Variants in FARS2 observed in about 807,000 individuals in gnomAD.
FARS2 encodes the protein phenylalanyl-tRNA synthetase 2, mitochondrial, also known as phenylalanine--tRNA ligase, mitochondrial.
FARS2 carries 40 observed loss-of-function variants against 46.4 expected under a neutral mutation model. The ratio of observed to expected loss-of-function variants is 0.86; its 90% confidence interval spans 0.67 to 1.12. The LOEUF is 1.12. Ranked by LOEUF, FARS2 falls within the 50% of genes most tolerant of loss-of-function variation. The pLI is 0.00. For synonymous variants in FARS2, 234 were observed against 214.9 expected, an observed-to-expected ratio of 1.09 and a Z score of -0.78; for missense variants, 513 against 567.9, an observed-to-expected ratio of 0.90 and a Z score of 0.98.
chr6:5,400,199 G>T (rs1342943545), intron 2 of FARS2, among the ~76,000 whole-genome samples: 1 of 152,068 alleles, frequency 6.6e-6, no homozygotes. Flanking sequence ...ATTTTAATTT[G>T]CTTAATTTGC....
intron 6 of FARS2, among the ~76,000 whole-genome samples, chr6:5,686,361 C>A (rs1331027713): frequency 2.0e-5 from 3 of 151,006 alleles, no homozygotes; most frequent in Non-Finnish European, 2.9e-5. Context: ...GCTGCCCACA[C>A]CACGCAACAG....
At chr6:5,628,762 C>T (rs1009955371) in intron 6 of FARS2, among the ~76,000 whole-genome samples, 2 of 152,172 alleles carry the variant, frequency 1.3e-5, no homozygotes, top group Non-Finnish European at 2.9e-5. Flanking sequence ...GGCGCCCAGC[C>T]GCATGCTGCC....
chr6:5,442,504 T>C (rs1763899646), intron 4 of FARS2, among the ~76,000 whole-genome samples: 1 of 152,142 alleles, frequency 6.6e-6, no homozygotes, highest in Admixed American at 6.5e-5. Flanking sequence ...CCGGGGATTG[T>C]GTGTGGGTGT....
chr6:5,466,707 G>C (rs886210650), intron 4 of FARS2: 105 of 984,134 alleles, frequency 1.1e-4, no homozygotes, highest in Non-Finnish European at 1.2e-4. Context: ...AAAAATGCCT[G>C]TTTCCTTCCA....
rs1372095498 is a variant in FARS2 at position 5,630,551 on chromosome 6, G to A, written c.1217+17231G>A. 6.6e-6 allele frequency among the ~76,000 whole-genome samples: 1 copy of A among 152,208 alleles called. No homozygotes were observed. The highest frequency in any genetic ancestry group is 2.4e-5 in the African/African-American group (1 of 41,450). The stretch of plus-strand genomic sequence containing the variant: ...CGTCCTGACTCTGGAAACCAGACCT[G>A]CCTCTTCATACTTATGTGTCTGGTA... On this transcript the variant is annotated intron_variant, in intron 6 of 6. Transcript: ENST00000274680. This position sits in a 1 kb window ranked among gnomAD's most constrained non-coding sequence, Gnocchi z 4.2.
chr6:5,360,416 T>G (rs1425025241), intron 1 of FARS2, among the ~76,000 whole-genome samples: 1 of 152,182 alleles, frequency 6.6e-6, no homozygotes, highest in Non-Finnish European at 1.5e-5. Flanking sequence ...GTGGGAGAGG[T>G]ATACATGTCT....
chr6:5,456,747 A>AAAAAAAAAG (rs1220633444), intron 4 of FARS2, among the ~76,000 whole-genome samples: 11 of 151,244 alleles, frequency 7.3e-5, no homozygotes, highest in Non-Finnish European at 1.0e-4. Context: ...AAAAAAAAAA[A>AAAAAAAAAG]AGAGATGGGC....
At chr6:5,468,737 A>G (rs574110307) in intron 4 of FARS2, among the ~76,000 whole-genome samples, 20 of 152,304 alleles carry the variant, frequency 1.3e-4, no homozygotes, top group African/African-American at 4.1e-4. Flanking sequence ...TCATACTTTC[A>G]CAAGAATGCG....
chr6:5,634,167 G>A (rs537930207), intron 6 of FARS2, among the ~76,000 whole-genome samples: 7 of 152,042 alleles, frequency 4.6e-5, no homozygotes, highest in Non-Finnish European at 7.4e-5. Flanking sequence ...TTGTTATTAA[G>A]ATATTGTGAG....
At chr6:5,513,476 C>T (rs1342916729) in intron 4 of FARS2, among the ~76,000 whole-genome samples, 1 of 152,272 alleles carries the variant, frequency 6.6e-6, no homozygotes, top group South Asian at 2.1e-4. Flanking sequence ...GATATTTAGC[C>T]GAAGGTCTAG....
At chr6:5,746,959 C>T (rs552000668) in intron 6 of FARS2, among the ~76,000 whole-genome samples, 1 of 152,258 alleles carries the variant, frequency 6.6e-6, no homozygotes, top group African/African-American at 2.4e-5. Context: ...TTAAATGGGA[C>T]AGTCAAGGAA....
chr6:5,435,560 TG>T (rs1763473528), intron 4 of FARS2, among the ~76,000 whole-genome samples: 1 of 152,224 alleles, frequency 6.6e-6, no homozygotes, highest in South Asian at 2.1e-4. Flanking sequence ...GTGATGTGAG[TG>T]GTGACCGTTT....
Position 5,632,576 on chromosome 6 carries a change from T to TCCTTCCC in FARS2, c.1217+19271_1217+19277dup, listed in dbSNP as rs368572132. Among the ~76,000 whole-genome samples, 10 of 147,940 alleles carry TCCTTCCC rather than the reference T, an allele frequency of 6.8e-5. No homozygotes were observed. The South Asian group carries it at 2.0e-3, about 29-fold the overall frequency. On this transcript the variant is annotated intron_variant, in intron 6 of 6. Coordinates refer to ENST00000274680, the MANE Select transcript of FARS2 (RefSeq NM_006567.5). The stretch of plus-strand genomic sequence containing the variant: ...TCCTTCCCTTCTTCCTTTCCCTTCC[T>TCCTTCCC]CCTTCCCCCTTCCCCCTTCCCGCTT...
chr6:5,644,616 C>T (rs993458445), intron 6 of FARS2, among the ~76,000 whole-genome samples: 2 of 152,194 alleles, frequency 1.3e-5, no homozygotes, highest in African/African-American at 4.8e-5. Context: ...CCACCTTGGC[C>T]ACCCAAAGTG....
intron 6 of FARS2, among the ~76,000 whole-genome samples, chr6:5,735,343 C>T (rs1760882459): frequency 6.6e-6 from 1 of 152,218 alleles, no homozygotes; most frequent in Admixed American, 6.5e-5. Context: ...TGTGATCCTT[C>T]CTTTGGTGTG....
intron 6 of FARS2, among the ~76,000 whole-genome samples, chr6:5,653,386 A>G (rs1241817545): frequency 6.6e-6 from 1 of 152,234 alleles, no homozygotes; most frequent in Non-Finnish European, 1.5e-5. Flanking sequence ...AAAAGAATTG[A>G]AGAAAAAATG....
In FARS2 at chr6:5,545,230, C is replaced by A. The variant is rs772822506; in HGVS notation, c.955C>A (p.Leu319Ile). The change falls in exon 5 of 7, where the codon CTA becomes ATA. Residue 319 changes from leucine (L) to isoleucine (I), a missense_variant. Coordinates refer to ENST00000274680, the MANE Select transcript of FARS2 (RefSeq NM_006567.5). ...GWAFGLGLER[L>I]AMILYDIPDI... ...GGCTTTTGGCCTAGGATTAGAAAGG[C>A]TAGCCATGATCCTCTACGACATCCC... 2.7e-5 allele frequency: 43 copies of A among 1,614,008 alleles called. No individual in the cohort carries two copies. Among genetic ancestry groups the A allele is most frequent in the Middle Eastern group, 1.6e-4 (1 of 6,062 alleles).
intron 5 of FARS2, among the ~76,000 whole-genome samples, chr6:5,551,003 C>G (rs149861148): frequency 6.6e-6 from 1 of 152,324 alleles, no homozygotes; most frequent in African/African-American, 2.4e-5. Flanking sequence ...TTCAGCAAAA[C>G]CCCTAACTTT....
Position 5,431,109 on chromosome 6 carries a change from T to G in FARS2, c.841T>G (p.Phe281Val). ...TCCTTCCTTTGAGATGGAGATCAAC[T>G]TTCATGGAGAATGGCTGGAAGTTCT... ...THPSFEMEIN[F>V]HGEWLEVLGC... Residue 281 changes from phenylalanine to valine, a missense_variant, in exon 4 of 7, where the codon TTT becomes GTT. By Grantham distance (50) the Phe-to-Val change is conservative (BLOSUM62 -1). Coordinates refer to ENST00000274680, the MANE Select transcript of FARS2 (RefSeq NM_006567.5). 6.2e-7 allele frequency: 1 copy of G among 1,614,030 alleles called. No individual in the cohort carries two copies. The highest frequency in any genetic ancestry group is 2.2e-5 in the East Asian group (1 of 44,876).
Sources: allele counts gnomAD v4.1 joint callset (sites outside exome capture counted in the v4.1 genomes callset), GRCh38; gene constraint gnomAD v4.1.1; non-coding constraint Gnocchi (gnomAD v3.1); transcripts MANE v1.5; gene names NCBI Gene and HGNC (gene_info 2026-07-23, HGNC 2026-07-21).